FAM114A1: variants seen among roughly 807,000 people sequenced by gnomAD.
FAM114A1 encodes family with sequence similarity 114 member A1, also known as protein NOXP20.
FAM114A1 carries 62 observed loss-of-function variants against 64.3 expected under a neutral mutation model. The ratio of observed to expected loss-of-function variants is 0.96; its 90% CI spans 0.79 to 1.19. The LOEUF (loss-of-function observed/expected upper bound fraction) is 1.19, where lower values mean the gene tolerates loss of function less well. Among genes scored for constraint, FAM114A1 ranks in the 50% most tolerant of loss-of-function variants. The pLI is 0.00. For synonymous variants in FAM114A1, 254 were observed against 251.1 expected, an observed-to-expected ratio of 1.01 and a Z score of -0.11; for missense variants, 645 against 676.3, an observed-to-expected ratio of 0.95 and a Z score of 0.51.
At position 38,891,761 on chromosome 4, in the gene FAM114A1, A is replaced by G; in HGVS notation, c.367A>G (p.Ser123Gly). The G allele has an allele frequency of 6.2e-7, 1 of 1,610,470 alleles. No homozygotes were observed. Among genetic ancestry groups the G allele is most frequent in the South Asian group, 1.1e-5 (1 of 90,504 alleles). The change falls in exon 4 of 15, where the codon AGT becomes GGT. Residue 123 changes from serine (S) to glycine (G), a missense_variant. Transcript: ENST00000358869. ...QNYLAVDSPP[S>G]GGGWAGWGSW... ...TCTCCAGGCTGTGGATTCCCCTCCA[A>G]GTGGAGGAGGATGGGCAGGCTGGGG...
intron 4 of FAM114A1, among the ~76,000 whole-genome samples, chr4:38,895,335 C>T (rs1716823024): frequency 6.6e-6 from 1 of 152,202 alleles, no homozygotes; most frequent in East Asian, 1.9e-4. Context: ...CTCAGGTCCT[C>T]CTTCAAAGCC....
In FAM114A1 at chr4:38,882,432, C is replaced by A. The variant is rs376293764; in HGVS notation, c.348+4006C>A. On this transcript the variant is annotated intron_variant, in intron 3 of 14. Coordinates refer to ENST00000358869, the MANE Select transcript of FAM114A1 (RefSeq NM_138389.4). ...ATCACCTGAGGTCAGGAGTTCGAGA[C>A]CAGCCTGACCAATATGGAGAAACCC... Among the ~76,000 whole-genome samples the A allele has an allele frequency of 3.5e-3, 526 of 151,522 alleles. 2 individuals carry two copies. The highest frequency in any genetic ancestry group is 0.024 in the South Asian group (115 of 4,800).
At chr4:38,904,952 A>T (rs1717841100) in intron 4 of FAM114A1, among the ~76,000 whole-genome samples, 1 of 152,168 alleles carries the variant, frequency 6.6e-6, no homozygotes, top group South Asian at 2.1e-4. Context: ...CGTGTATCTC[A>T]TTTGCACGTC....
At chr4:38,928,260 G>A (rs1720328176) in intron 9 of FAM114A1, among the ~76,000 whole-genome samples, 1 of 152,144 alleles carries the variant, frequency 6.6e-6, no homozygotes, top group African/African-American at 2.4e-5. Context: ...AGAGAGTTCT[G>A]AGATCATGTA....
intron 3 of FAM114A1, among the ~76,000 whole-genome samples, chr4:38,888,576 C>T (rs1046193383): frequency 6.6e-6 from 1 of 152,154 alleles, no homozygotes; most frequent in Admixed American, 6.6e-5. Flanking sequence ...TTTCTTAGTA[C>T]CACACAAAGG....
chr4:38,935,934 T>C (rs530267119), intron 13 of FAM114A1, 144 bp downstream of exon 13: 85 of 635,612 alleles, frequency 1.3e-4, no homozygotes, highest in Non-Finnish European at 1.4e-4. Flanking sequence ...CAAGAGTAAC[T>C]TCTCTAAGGA....
At chr4:38,921,098 C>T (rs553976415) in intron 8 of FAM114A1, among the ~76,000 whole-genome samples, 5 of 152,168 alleles carry the variant, frequency 3.3e-5, no homozygotes, top group African/African-American at 9.7e-5. Flanking sequence ...AAGAGGACTA[C>T]GGCTCCACCG....
chr4:38,912,768 G>A (rs547001895), intron 7 of FAM114A1, among the ~76,000 whole-genome samples: 25 of 152,120 alleles, frequency 1.6e-4, no homozygotes, highest in African/African-American at 3.1e-4. Context: ...TTTCTCTCCC[G>A]AAGCCCACAT....
intron 8 of FAM114A1, among the ~76,000 whole-genome samples, chr4:38,920,308 T>C (rs944142350): frequency 5.3e-5 from 8 of 152,196 alleles, no homozygotes; most frequent in Admixed American, 3.3e-4. Flanking sequence ...CACACCTCCT[T>C]TCAAGGAAAA....
intron 4 of FAM114A1, among the ~76,000 whole-genome samples, chr4:38,899,002 G>T (rs1053516908): frequency 7.0e-6 from 1 of 143,520 alleles, no homozygotes; most frequent in South Asian, 2.2e-4. Context: ...TGTTATATAT[G>T]TAGTATAAGT....
At chr4:38,923,965 C>T (rs1194511339) in intron 9 of FAM114A1, among the ~76,000 whole-genome samples, 1 of 152,152 alleles carries the variant, frequency 6.6e-6, no homozygotes, top group Non-Finnish European at 1.5e-5. Context: ...TTACTGATGT[C>T]ATAACCACCG....
chr4:38,871,347 C>T (rs1714062727), intron 2 of FAM114A1, among the ~76,000 whole-genome samples: 1 of 151,798 alleles, frequency 6.6e-6, no homozygotes, highest in South Asian at 2.1e-4. Context: ...CTGCCTTGGC[C>T]TCCCAAAGTG....
In FAM114A1 at chr4:38,879,893, C is replaced by T. The variant is rs373507175; in HGVS notation, c.348+1467C>T. Among the ~76,000 whole-genome samples, 41 of 151,926 alleles carry T rather than the reference C, an allele frequency of 2.7e-4. No homozygotes were observed. The East Asian group carries it at 5.0e-3, about 19-fold the overall frequency. On this transcript the variant is annotated intron_variant, in intron 3 of 14. Coordinates refer to ENST00000358869, the MANE Select transcript of FAM114A1 (RefSeq NM_138389.4). ...ATTGAAGCCTGGGCAATGTGGCGAA[C>T]CCTGTCTCTACGAAAAATACAAAAA... is the stretch of plus-strand genomic sequence containing the variant.
chr4:38,879,446 A>G (rs185936506), intron 3 of FAM114A1, among the ~76,000 whole-genome samples: 1 of 152,196 alleles, frequency 6.6e-6, no homozygotes, highest in Non-Finnish European at 1.5e-5. Context: ...TCTGCGCTTC[A>G]GGTTTTTCCT....
intron 4 of FAM114A1, among the ~76,000 whole-genome samples, chr4:38,897,009 T>C (rs1717003256): frequency 1.3e-5 from 2 of 152,228 alleles, no homozygotes; most frequent in African/African-American, 2.4e-5. Flanking sequence ...CCATTACCTC[T>C]AACAGTTGTT....
chr4:38,924,394 C>T (rs1719913662), intron 9 of FAM114A1, among the ~76,000 whole-genome samples: 1 of 152,192 alleles, frequency 6.6e-6, no homozygotes. Flanking sequence ...AATGTGCATT[C>T]TTAAATCGCT....
chr4:38,876,200 C>T (rs1388170342), intron 2 of FAM114A1, among the ~76,000 whole-genome samples: 3 of 121,370 alleles, frequency 2.5e-5, no homozygotes, highest in African/African-American at 3.2e-5. Context: ...GAGACGGTCT[C>T]GCTTTGTCGC....
chr4:38,932,189 GC>G, intron 11 of FAM114A1, 45 bp from the exon 12 acceptor site: 1 of 1,549,750 alleles, frequency 6.5e-7, no homozygotes, highest in Non-Finnish European at 8.7e-7. Flanking sequence ...TTTTAAAAAA[GC>G]ATCTGCTCAG....
rs1716802687 is a variant in FAM114A1, at chr4:38,895,180, C to T, written c.436+3350C>T. Among the ~76,000 whole-genome samples the T allele has an allele frequency of 2.6e-5, 4 of 152,304 alleles. No individual in the cohort carries two copies. The South Asian group carries it at 8.3e-4, about 32-fold the overall frequency. On this transcript the variant is annotated intron_variant, in intron 4 of 14. Transcript: ENST00000358869. Reference sequence around the variant, plus strand: ...GAGGCCAGTGGCTCTGCCAGCTGCTCAGCTGGCACCTCTGCTTTGAAGACG... The same window carrying T: ...GAGGCCAGTGGCTCTGCCAGCTGCTTAGCTGGCACCTCTGCTTTGAAGACG...
Sources: allele counts gnomAD v4.1 joint callset (sites outside exome capture counted in the v4.1 genomes callset), GRCh38; gene constraint gnomAD v4.1.1; transcripts MANE v1.5; gene names NCBI Gene and HGNC (gene_info 2026-07-23, HGNC 2026-07-21).